Variants in MAPK4 observed in about 807,000 individuals in gnomAD.
The protein encoded by MAPK4 is Erk3-related.
Under a neutral mutation model 47.7 loss-of-function variants are expected in MAPK4, and 22 were observed. The ratio of observed to expected loss-of-function variants is 0.46; its 90% confidence interval spans 0.33 to 0.66. The LOEUF (loss-of-function observed/expected upper bound fraction) is 0.66, where lower values mean the gene tolerates loss of function less well. MAPK4 is among the 30% of genes least tolerant of loss of function. MAPK4 has a pLI of 0.02. For synonymous variants in MAPK4, 390 were observed against 365.7 expected (o/e 1.07, Z -0.76); for missense variants, 736 against 831.7 (o/e 0.88, Z 1.42).
chr18:50,630,329 C>T (rs938261834), intron 1 of MAPK4, among the ~76,000 whole-genome samples: 2 of 152,320 alleles, frequency 1.3e-5, no homozygotes, highest in African/African-American at 2.4e-5. Flanking sequence ...GCTGGGATTA[C>T]AGGCGTGCAC....
At chr18:50,606,907 T>C (rs1202430825) in intron 1 of MAPK4, among the ~76,000 whole-genome samples, 1 of 152,148 alleles carries the variant, frequency 6.6e-6, no homozygotes, top group Non-Finnish European at 1.5e-5. Context: ...TGGAGGCACA[T>C]GTGAAAGTTC....
intron 1 of MAPK4, among the ~76,000 whole-genome samples, chr18:50,584,339 A>G (rs1420730122): frequency 6.6e-6 from 1 of 152,134 alleles, no homozygotes; most frequent in Non-Finnish European, 1.5e-5. Context: ...CTAATTTCCC[A>G]TCCACTTCGT....
At chr18:50,684,494 C>A (rs989267338) in intron 2 of MAPK4, among the ~76,000 whole-genome samples, 1 of 150,800 alleles carries the variant, frequency 6.6e-6, no homozygotes, top group Non-Finnish European at 1.5e-5. Context: ...TACAGTGAGC[C>A]GTAATCAAGC....
intron 1 of MAPK4, among the ~76,000 whole-genome samples, chr18:50,627,834 C>T (rs992924137): frequency 3.3e-5 from 5 of 152,086 alleles, no homozygotes; most frequent in Admixed American, 1.3e-4. Context: ...GGAGCCTCTC[C>T]AAATTTCCTC....
chr18:50,623,434 A>T (rs2042749609), intron 1 of MAPK4, among the ~76,000 whole-genome samples: 2 of 152,250 alleles, frequency 1.3e-5, no homozygotes, highest in Non-Finnish European at 2.9e-5. Flanking sequence ...TTCAACACCC[A>T]GTCCAGCAAA....
At chr18:50,628,317 A>G (rs1210563039) in intron 1 of MAPK4, among the ~76,000 whole-genome samples, 1 of 152,164 alleles carries the variant, frequency 6.6e-6, no homozygotes, top group Non-Finnish European at 1.5e-5. Flanking sequence ...TCGCTTTAGG[A>G]GGCCAAGGGC....
At chr18:50,680,135 A>G (rs1197325057) in intron 2 of MAPK4, among the ~76,000 whole-genome samples, 2 of 113,684 alleles carry the variant, frequency 1.8e-5, no homozygotes, top group South Asian at 3.1e-4. Flanking sequence ...CTTGTCGTCC[A>G]GGCTGGAGTA....
chr18:50,596,472 A>C (rs772340705), intron 1 of MAPK4, among the ~76,000 whole-genome samples: 3 of 152,162 alleles, frequency 2.0e-5, no homozygotes, highest in Non-Finnish European at 4.4e-5. Context: ...CTTCATGAGA[A>C]TTCTCTTGTG....
At chr18:50,653,955 T>A (rs182403525) in intron 1 of MAPK4, among the ~76,000 whole-genome samples, 10 of 152,342 alleles carry the variant, frequency 6.6e-5, no homozygotes, top group Non-Finnish European at 1.3e-4. Flanking sequence ...CAGCTCCAGA[T>A]GCTTGGCAGA....
intron 2 of MAPK4, among the ~76,000 whole-genome samples, chr18:50,677,711 T>C (rs1469930494): frequency 2.6e-5 from 4 of 152,186 alleles, no homozygotes; most frequent in African/African-American, 9.7e-5. Flanking sequence ...CATACCTGGC[T>C]ATTTTTTATT....
intron 3 of MAPK4, 75 bp downstream of exon 3, chr18:50,715,298 T>G: frequency 6.8e-7 from 1 of 1,460,758 alleles, no homozygotes; most frequent in Non-Finnish European, 9.2e-7. Flanking sequence ...TGCAAAACAC[T>G]TACAATCACA....
intron 1 of MAPK4, among the ~76,000 whole-genome samples, chr18:50,565,706 G>T (rs1806408983): frequency 6.6e-6 from 1 of 152,082 alleles, no homozygotes; most frequent in African/African-American, 2.4e-5. Context: ...ACATATTTAG[G>T]TGTACAGATA....
intron 1 of MAPK4, among the ~76,000 whole-genome samples, chr18:50,659,482 C>G (rs2043145936): frequency 6.6e-6 from 1 of 152,174 alleles, no homozygotes; most frequent in African/African-American, 2.4e-5. Flanking sequence ...TTTAGACTTT[C>G]CAAAGCTGAT....
chr18:50,572,156 G>A (rs1309093459), intron 1 of MAPK4, among the ~76,000 whole-genome samples: 1 of 151,678 alleles, frequency 6.6e-6, no homozygotes, highest in African/African-American at 2.4e-5. Flanking sequence ...ACTCGAAGAG[G>A]GCTTTAACGA....
intron 2 of MAPK4, among the ~76,000 whole-genome samples, chr18:50,688,746 GA>G (rs1324804750): frequency 6.6e-6 from 1 of 152,066 alleles, no homozygotes; most frequent in South Asian, 2.1e-4. Context: ...GAAAGGGTGG[GA>G]GGGGGGTGAG....
At chr18:50,572,239 T>A (rs2042256102) in intron 1 of MAPK4, among the ~76,000 whole-genome samples, 2 of 152,160 alleles carry the variant, frequency 1.3e-5, no homozygotes, top group Admixed American at 6.5e-5. Context: ...AACGTTAGGG[T>A]ACACAGAGTA....
intron 1 of MAPK4, among the ~76,000 whole-genome samples, chr18:50,569,281 A>AT (rs929597424): frequency 2.6e-5 from 4 of 152,148 alleles, no homozygotes; most frequent in African/African-American, 9.7e-5. Flanking sequence ...AGTTGACAGC[A>AT]TTTTTTCTTT....
chr18:50,650,840 G>A (rs1055718620), intron 1 of MAPK4, among the ~76,000 whole-genome samples: 1 of 152,218 alleles, frequency 6.6e-6, no homozygotes, highest in Non-Finnish European at 1.5e-5. Context: ...ATTATTTGAG[G>A]AGGAGGAGCT....
At chr18:50,616,503 G>C (rs145501729) in intron 1 of MAPK4, among the ~76,000 whole-genome samples, 2 of 152,174 alleles carry the variant, frequency 1.3e-5, no homozygotes, top group Non-Finnish European at 2.9e-5. Flanking sequence ...ATATGAGGGG[G>C]AGTTTATTAA....
Sources: gnomAD v4.1 joint callset for allele counts (sites outside exome capture counted in the v4.1 genomes callset) on GRCh38, gnomAD v4.1.1 for gene constraint, MANE v1.5 for transcripts, NCBI Gene and HGNC (gene_info 2026-07-23, HGNC 2026-07-21) for gene names.